SLC35B3: variants seen among roughly 807,000 people sequenced by gnomAD.
SLC35B3 encodes the protein solute carrier family 35 member B3, also known as adenosine 3'-phospho 5'-phosphosulfate transporter 2.
Under a neutral mutation model 44.1 loss-of-function variants are expected in SLC35B3, and 35 were observed. That is an observed-to-expected ratio of 0.79 (90% CI 0.61 to 1.05). SLC35B3 has a LOEUF of 1.05. Ranked by LOEUF, SLC35B3 falls within the 50% of genes least tolerant of loss-of-function variation. The pLI is 0.00. For missense variants in SLC35B3, 414 were observed against 476.4 expected (o/e 0.87, Z 1.22); for synonymous variants, 146 against 167.3 (o/e 0.87, Z 0.98).
In SLC35B3 at chr6:8,416,964, A is replaced by T. The variant is rs1330934958; in HGVS notation, c.905T>A (p.Leu302His). The change falls in exon 9 of 11, where the codon CTT becomes CAT. Residue 302 changes from leucine (L) to histidine (H), a missense_variant. Transcript: ENST00000644923. ...TCCAAAATATCCAGTGAGGGAAAAA[A>T]GGAACGCATAACCATAGGTCCGAAC... 6 of 1,604,650 alleles carry T rather than the reference A, an allele frequency of 3.7e-6. No individual in the cohort carries two copies. The highest frequency in any genetic ancestry group is 5.1e-6 in the Non-Finnish European group (6 of 1,175,896).
chr6:8,429,185 C>T (rs528753498), intron 3 of SLC35B3, among the ~76,000 whole-genome samples: 12 of 152,262 alleles, frequency 7.9e-5, no homozygotes, highest in South Asian at 4.1e-4. Context: ...CCCATTCCAA[C>T]ATCCTGTTTT....
chr6:8,423,219 G>A (rs1244370168), intron 4 of SLC35B3, among the ~76,000 whole-genome samples: 1 of 152,106 alleles, frequency 6.6e-6, no homozygotes, highest in African/African-American at 2.4e-5. Context: ...CTCTTGAATT[G>A]TTGTTCTGTT....
Position 8,412,383 on chromosome 6 carries a change from T to C in SLC35B3, c.*1166A>G, listed in dbSNP as rs923885693. Among the ~76,000 whole-genome samples, 34 of 152,194 alleles carry C rather than the reference T, an allele frequency of 2.2e-4. 1 individual carries two copies. The highest frequency in any genetic ancestry group is 1.0e-4 in the Non-Finnish European group (7 of 68,028). On this transcript the variant is annotated 3_prime_UTR_variant, in exon 11 of 11. Transcript: ENST00000644923. The stretch of plus-strand genomic sequence containing the variant: ...TTTGTCCTCAAACTTCCAAATTAAA[T>C]CTTACTTTTATGGAAAAAACTAGGA...
In SLC35B3 at chr6:8,434,014, C is replaced by T. The variant is rs916451625; in HGVS notation, c.3+371G>A. Among the ~76,000 whole-genome samples the T allele has an allele frequency of 1.4e-4, 21 of 145,124 alleles. No individual in the cohort carries two copies. Among genetic ancestry groups the T allele is most frequent in the Admixed American group, 2.8e-4 (4 of 14,256 alleles). On this transcript the variant is annotated intron_variant, in intron 2 of 10. Coordinates refer to ENST00000644923, the MANE Select transcript of SLC35B3 (RefSeq NM_001370476.2). This position sits in a 1 kb window ranked among gnomAD's most constrained non-coding sequence, Gnocchi z 6.3. The stretch of plus-strand genomic sequence containing the variant: ...CATTGTGCTTTGCTTTTGAAGCTCA[C>T]AGTAATCAGTGAAACTAAAATATAT...
In SLC35B3 at chr6:8,419,285, A is replaced by G. The variant is rs1762680287; in HGVS notation, c.780+295T>C. ...GGCCATATAAAAATTACAAACTTCT[A>G]CATGGAAAAATACTACCCACTAGAA... On this transcript the variant is annotated intron_variant, in intron 7 of 10. Transcript: ENST00000644923. This position sits in a 1 kb window ranked among gnomAD's most constrained non-coding sequence, Gnocchi z 4.3. Among the ~76,000 whole-genome samples the G allele has an allele frequency of 6.6e-6, 1 of 152,064 alleles. No individual in the cohort carries two copies. The highest frequency in any genetic ancestry group is 1.5e-5 in the Non-Finnish European group (1 of 67,942).
At chr6:8,414,791 A>G (rs753479981) in intron 10 of SLC35B3, 117 bp downstream of exon 9, 4 of 495,466 alleles carry the variant, frequency 8.1e-6, no homozygotes, top group Non-Finnish European at 1.4e-5. Context: ...TTTATATAAA[A>G]ATAAATACAC....
chr6:8,433,887 TACTA>T lies in SLC35B3; in HGVS notation c.3+494_3+497del, dbSNP rs1764226089. Among the ~76,000 whole-genome samples the T allele has an allele frequency of 7.2e-6, 1 of 138,186 alleles. No homozygotes were observed. The highest frequency in any genetic ancestry group is 2.8e-5 in the African/African-American group (1 of 35,270). The allele number at this position is 138,186 out of a possible 152,430, so 90.7% of individuals were successfully genotyped here. ...TTCCACTTCAAACATTAATGACTGA[TACTA>T]ACCATCATCTAAAAAAAAAAATGGG... On this transcript the variant is annotated intron_variant, in intron 2 of 10. Transcript: ENST00000644923. This position sits in a 1 kb window ranked among gnomAD's most constrained non-coding sequence, Gnocchi z 4.1.
At chr6:8,424,094 A>G (rs1284230249) in intron 4 of SLC35B3, among the ~76,000 whole-genome samples, 3 of 152,250 alleles carry the variant, frequency 2.0e-5, no homozygotes, top group Non-Finnish European at 4.4e-5. Context: ...TAAATCCAAA[A>G]GTAGCTCCAA....
At position 8,420,182 on chromosome 6, in the gene SLC35B3, A is replaced by G. The variant is rs894416208; in HGVS notation, c.683-505T>C. 1.3e-5 allele frequency among the ~76,000 whole-genome samples: 2 copies of G among 152,178 alleles called. No individual in the cohort carries two copies. The highest frequency in any genetic ancestry group is 4.8e-5 in the African/African-American group (2 of 41,448). Reference sequence around the variant, plus strand: ...GAGCATGGGTCCTGAATAGAATTCCATATTTTCTCCTTTGTATAAACACAC... The same window carrying G: ...GAGCATGGGTCCTGAATAGAATTCCGTATTTTCTCCTTTGTATAAACACAC... On this transcript the variant is annotated intron_variant, in intron 6 of 10. Coordinates refer to ENST00000644923, the MANE Select transcript of SLC35B3 (RefSeq NM_001370476.2). The surrounding 1 kb of genome is among the most constrained non-coding windows in gnomAD (Gnocchi z 4.4).
intron 4 of SLC35B3, among the ~76,000 whole-genome samples, chr6:8,423,418 T>TCTC (rs75523108): frequency 0.51 from 76,903 of 151,708 alleles, 20,629 homozygotes; most frequent in African/African-American, 0.71. Context: ...TATCTGACTC[T>TCTC]CTCATGATTT....
Position 8,419,690 on chromosome 6 carries a change from A to G in SLC35B3, c.683-13T>C. On this transcript the variant is annotated splice_polypyrimidine_tract_variant and intron_variant, in intron 6 of 10. Transcript: ENST00000644923. The surrounding 1 kb of genome is among the most constrained non-coding windows in gnomAD (Gnocchi z 4.3). ...ATAAGCACCACACCTTCAAGAAGGT[A>G]TTAAAAAAACAAACAAAAAAACCCT... 7.1e-7 allele frequency: 1 copy of G among 1,414,166 alleles called. No individual in the cohort carries two copies. Among genetic ancestry groups the G allele is most frequent in the East Asian group, 2.5e-5 (1 of 40,694 alleles). The allele number at this position is 1,414,166 out of a possible 1,614,324, so 87.6% of individuals were successfully genotyped here.
chr6:8,428,542 C>CA (rs1270413349), intron 3 of SLC35B3, among the ~76,000 whole-genome samples: 1 of 152,128 alleles, frequency 6.6e-6, no homozygotes, highest in Non-Finnish European at 1.5e-5. Context: ...GTAGCAATGT[C>CA]AGTTTTTACA....
In SLC35B3 at chr6:8,417,503, G is replaced by T. The variant is rs566025918; in HGVS notation, c.781-9C>A. 24 of 1,517,670 alleles carry T rather than the reference G, an allele frequency of 1.6e-5. No homozygotes were observed. In the South Asian group the frequency reaches 2.8e-4, roughly 17 times the overall value. 94.0% of individuals were successfully genotyped at this position (1,517,670 alleles called of 1,614,324 possible). A position where few individuals can be genotyped will look rare whatever the true frequency, so the allele number is the denominator to read the frequency against. On this transcript the variant is annotated splice_polypyrimidine_tract_variant and intron_variant, in intron 7 of 10. Transcript: ENST00000644923. ...GAATACGAATACAATACCTAGAGCA[G>T]ATAAAAATAAAGCAGAAAAAAGTAC...
intron 4 of SLC35B3, among the ~76,000 whole-genome samples, chr6:8,424,608 C>T (rs952109516): frequency 1.3e-5 from 2 of 152,158 alleles, no homozygotes; most frequent in African/African-American, 4.8e-5. Context: ...AATCTGAGCA[C>T]TCTCCTTAAT....
intron 2 of SLC35B3, among the ~76,000 whole-genome samples, chr6:8,431,591 CT>C (rs1024832647): frequency 2.6e-5 from 4 of 152,184 alleles, no homozygotes; most frequent in Admixed American, 6.5e-5. Flanking sequence ...CTGTGTTCCT[CT>C]TGTTTATTCT....
rs1198241561 is a variant in SLC35B3, at chr6:8,429,622, CTT to C, written c.297+240_297+241del. ...CACACATTTTGTTAAATATTTAAAA[CTT>C]AATTTTCATAATGAAAATTTTTCAA... On this transcript the variant is annotated intron_variant, in intron 3 of 10. Transcript: ENST00000644923. 4 of 297,660 alleles carry C rather than the reference CTT, an allele frequency of 1.3e-5. No homozygotes were observed. In the Admixed American group the frequency reaches 1.9e-4, roughly 14 times the overall value. 18.4% of individuals were successfully genotyped at this position (297,660 alleles called of 1,614,324 possible).
intron 4 of SLC35B3, among the ~76,000 whole-genome samples, chr6:8,423,861 C>T (rs754627572): frequency 2.0e-5 from 3 of 152,118 alleles, no homozygotes; most frequent in African/African-American, 4.8e-5. Context: ...AGTGTAAATG[C>T]GTTCATGCCA....
Position 8,432,610 on chromosome 6 carries a change from G to A in SLC35B3, c.3+1775C>T, listed in dbSNP as rs746993219. 6.6e-6 allele frequency among the ~76,000 whole-genome samples: 1 copy of A among 152,122 alleles called. No individual in the cohort carries two copies. Among genetic ancestry groups the A allele is most frequent in the Non-Finnish European group, 1.5e-5 (1 of 68,022 alleles). ...TTAGCTGAGGAGCCTTGGGCAAATC[G>A]TTTAACTTTTCTGAGCTTTAGGTTC... On this transcript the variant is annotated intron_variant, in intron 2 of 10. Transcript: ENST00000644923. The surrounding 1 kb of genome is among the most constrained non-coding windows in gnomAD (Gnocchi z 4.8).
rs766724174 is a variant in SLC35B3 at position 8,427,921 on chromosome 6, A to G, written c.419+16T>C. On this transcript the variant is annotated intron_variant, in intron 4 of 10. Transcript: ENST00000644923. ...ACTAATATAGAAATATCAAAAAATA[A>G]AAACAAACCACATACCTCCTCCTTT... 1.3e-6 allele frequency: 2 copies of G among 1,596,886 alleles called. No individual in the cohort carries two copies. The highest frequency in any genetic ancestry group is 3.6e-5 in the Admixed American group (2 of 56,256).
Sources: gnomAD v4.1 joint callset for allele counts (sites outside exome capture counted in the v4.1 genomes callset) on GRCh38, gnomAD v4.1.1 for gene constraint, Gnocchi (gnomAD v3.1) non-coding constraint, MANE v1.5 for transcripts, NCBI Gene and HGNC (gene_info 2026-07-23, HGNC 2026-07-21) for gene names.